The following TEAD4 variants were observed in gnomAD, a reference collection of about 807,000 sequenced individuals.
TEAD4 encodes transcriptional enhancer factor TEF-3.
A neutral mutation model predicts 52.4 loss-of-function variants in TEAD4; 36 were observed. The ratio of observed to expected loss-of-function variants is 0.69; its 90% CI spans 0.53 to 0.91. The LOEUF is 0.91. Among genes scored for constraint, TEAD4 ranks in the 40% least tolerant of loss-of-function variants. The pLI is 0.00. For synonymous variants in TEAD4, 220 were observed against 231.0 expected (o/e 0.95, Z 0.43); for missense variants, 508 against 583.9 (o/e 0.87, Z 1.34).
rs554761104 is a variant in TEAD4, at chr12:2,977,464, C to T, written c.-29-17274C>T. Reference sequence around the variant, plus strand: ...GCCTCCCCCCCTCTCACCTGCTCCCCGTTCCCCATCCTGTCCTGAAGCCAG... The same window carrying T: ...GCCTCCCCCCCTCTCACCTGCTCCCTGTTCCCCATCCTGTCCTGAAGCCAG... On this transcript the variant is annotated intron_variant, in intron 2 of 12. Transcript: ENST00000359864. Among the ~76,000 whole-genome samples the T allele has an allele frequency of 1.1e-4, 17 of 152,342 alleles. No homozygotes were observed. The South Asian group carries it at 2.3e-3, about 20-fold the overall frequency.
At chr12:3,031,558 C>G (rs531040069) in intron 10 of TEAD4, among the ~76,000 whole-genome samples, 1 of 152,276 alleles carries the variant, frequency 6.6e-6, no homozygotes, top group South Asian at 2.1e-4. Flanking sequence ...TAAGCAGGGC[C>G]TGGCCCTGAG....
At chr12:3,023,586 G>A (rs952987177) in intron 10 of TEAD4, among the ~76,000 whole-genome samples, 3 of 146,470 alleles carry the variant, frequency 2.0e-5, no homozygotes, top group Non-Finnish European at 4.5e-5. Context: ...AGGAGTTCAA[G>A]AACAGCTTGA....
intron 2 of TEAD4, among the ~76,000 whole-genome samples, chr12:2,982,431 C>T (rs1565528210): frequency 6.6e-6 from 1 of 152,202 alleles, no homozygotes; most frequent in Non-Finnish European, 1.5e-5. Context: ...CTGTTCACAG[C>T]GCATGGCCCA....
At chr12:3,023,517 G>A (rs2098270048) in intron 10 of TEAD4, among the ~76,000 whole-genome samples, 2 of 152,172 alleles carry the variant, frequency 1.3e-5, no homozygotes, top group Admixed American at 6.5e-5. Flanking sequence ...GCCAGTTGCG[G>A]TGGCTCATGC....
chr12:3,006,202 C>T (rs969272703), intron 3 of TEAD4, among the ~76,000 whole-genome samples: 5 of 152,048 alleles, frequency 3.3e-5, no homozygotes, highest in African/African-American at 7.2e-5. Flanking sequence ...CTCCAAAGTT[C>T]GAAACTTTTT....
In TEAD4 at chr12:2,994,607, A is replaced by C; in HGVS notation, c.-29-131A>C. 1.6e-6 allele frequency: 2 copies of C among 1,253,532 alleles called. No homozygotes were observed. Among genetic ancestry groups the C allele is most frequent in the South Asian group, 3.2e-5 (2 of 62,404 alleles). The allele number at this position is 1,253,532 out of a possible 1,614,324, so 77.7% of individuals were successfully genotyped here. ...GTTCAAGACCCCAGGCCTGATTCTC[A>C]CAGATCTTTCACTTCACGCTTTGCT... On this transcript the variant is annotated intron_variant, in intron 2 of 12. Transcript: ENST00000359864. The surrounding 1 kb of genome is among the most constrained non-coding windows in gnomAD (Gnocchi z 4.7).
At chr12:2,996,685 C>T (rs1338977852) in intron 3 of TEAD4, among the ~76,000 whole-genome samples, 1 of 152,174 alleles carries the variant, frequency 6.6e-6, no homozygotes, top group African/African-American at 2.4e-5. Context: ...GATGGGATTA[C>T]AGGTGTGAGC....
chr12:2,964,701 A>G (rs189503942), intron 2 of TEAD4, among the ~76,000 whole-genome samples: 3 of 150,646 alleles, frequency 2.0e-5, no homozygotes, highest in East Asian at 3.9e-4. Flanking sequence ...CGAACTCCCA[A>G]CCTCAGGTGA....
intron 3 of TEAD4, among the ~76,000 whole-genome samples, chr12:2,996,582 G>C (rs2098247389): frequency 1.3e-5 from 2 of 152,074 alleles, no homozygotes; most frequent in Non-Finnish European, 2.9e-5. Context: ...GGCTAATTTT[G>C]TATTTTTAGT....
At chr12:3,026,995 T>G (rs1011383767) in intron 10 of TEAD4, among the ~76,000 whole-genome samples, 1 of 152,004 alleles carries the variant, frequency 6.6e-6, no homozygotes, top group Non-Finnish European at 1.5e-5. Flanking sequence ...CTCCTAACCC[T>G]CCCCCAACCC....
chr12:2,983,622 C>T (rs1318879380), intron 2 of TEAD4, among the ~76,000 whole-genome samples: 1 of 152,198 alleles, frequency 6.6e-6, no homozygotes, highest in Admixed American at 6.5e-5. Context: ...ATCACACTTC[C>T]ATTCTACAAG....
At chr12:2,989,480 C>G (rs1458882050) in intron 2 of TEAD4, among the ~76,000 whole-genome samples, 2 of 152,122 alleles carry the variant, frequency 1.3e-5, no homozygotes, top group African/African-American at 4.8e-5. Flanking sequence ...CTTCTGTCGC[C>G]CAGGCTGGAG....
intron 2 of TEAD4, among the ~76,000 whole-genome samples, chr12:2,968,164 G>T (rs1398252652): frequency 7.4e-6 from 1 of 135,710 alleles, no homozygotes; most frequent in Non-Finnish European, 1.5e-5. Context: ...TCGACTCACC[G>T]CAGCCTCCAC....
At chr12:2,978,402 T>TG (rs2098231522) in intron 2 of TEAD4, among the ~76,000 whole-genome samples, 2 of 151,896 alleles carry the variant, frequency 1.3e-5, no homozygotes, top group African/African-American at 2.4e-5. Context: ...TTTTTGTTTT[T>TG]TTTTGTTTTG....
chr12:3,012,359 C>A, intron 5 of TEAD4, 127 bp downstream of exon 5: 2 of 1,004,426 alleles, frequency 2.0e-6, no homozygotes, highest in South Asian at 1.6e-5. Context: ...TTGAGGAGAG[C>A]CAGGTTGGGC....
In TEAD4 at chr12:2,978,111, TTTGC is replaced by T. The variant is rs752619000; in HGVS notation, c.-29-16625_-29-16622del. On this transcript the variant is annotated intron_variant, in intron 2 of 12. Transcript: ENST00000359864. ...TTCCAGCTGTAACCAGGCCCTTTCCTTTGCTCCTGTATTTCGGGCCCAGGTCCCC... is the reference window on the plus strand; with the variant it reads ...TTCCAGCTGTAACCAGGCCCTTTCCTTCCTGTATTTCGGGCCCAGGTCCCC... Among the ~76,000 whole-genome samples the T allele has an allele frequency of 5.1e-4, 77 of 152,302 alleles. No individual in the cohort carries two copies. In the Middle Eastern group the frequency reaches 0.014, roughly 27 times the overall value.
intron 10 of TEAD4, among the ~76,000 whole-genome samples, chr12:3,024,428 C>T (rs771829698): frequency 2.4e-4 from 37 of 152,026 alleles, no homozygotes; most frequent in Admixed American, 2.0e-3. Flanking sequence ...GATCCCAGCA[C>T]TTTGGGAGCC....
chr12:2,971,970 G>A (rs189982128), intron 2 of TEAD4, among the ~76,000 whole-genome samples: 131 of 150,252 alleles, frequency 8.7e-4, no homozygotes, highest in African/African-American at 3.0e-3. Flanking sequence ...GTGTCATGAT[G>A]CCCGGCTATT....
At chr12:2,961,087 G>A (rs73246936) in intron 2 of TEAD4, among the ~76,000 whole-genome samples, 5,843 of 152,142 alleles carry the variant, frequency 0.038, 371 homozygotes, top group African/African-American at 0.13. Context: ...GGGATGGGCG[G>A]GTGAGATTTG....
Sources: allele counts gnomAD v4.1 joint callset (sites outside exome capture counted in the v4.1 genomes callset), GRCh38; gene constraint gnomAD v4.1.1; non-coding constraint Gnocchi (gnomAD v3.1); transcripts MANE v1.5; gene names NCBI Gene and HGNC (gene_info 2026-07-23, HGNC 2026-07-21).